Variants in ARMH3 observed in about 807,000 individuals in gnomAD.
ARMH3 encodes the protein armadillo like helical domain containing 3.
Under a neutral mutation model 99.1 loss-of-function variants are expected in ARMH3, and 60 were observed. The observed-to-expected ratio is 0.61, with a 90% CI of 0.49 to 0.75. ARMH3 has a LOEUF of 0.75. Ranked by LOEUF, ARMH3 falls within the 30% of genes least tolerant of loss-of-function variation. The pLI, the probability that ARMH3 is intolerant of heterozygous loss-of-function variation, is 0.00. For missense variants in ARMH3, 679 were observed against 843.1 expected (o/e 0.81, Z 2.41); for synonymous variants, 285 against 292.8 (o/e 0.97, Z 0.27).
At chr10:101,854,011 G>A (rs1303597874) in intron 24 of ARMH3, among the ~76,000 whole-genome samples, 1 of 152,166 alleles carries the variant, frequency 6.6e-6, no homozygotes. Flanking sequence ...TACTCGGGAG[G>A]CTGAGGCAGG....
chr10:102,030,824 C>G (rs1224473878), intron 4 of ARMH3, among the ~76,000 whole-genome samples: 1 of 152,062 alleles, frequency 6.6e-6, no homozygotes, highest in Non-Finnish European at 1.5e-5. Context: ...CTCTGTCACC[C>G]AGGCTGGAGT....
Position 101,847,314 on chromosome 10 carries a change from T to TCCCCAA in ARMH3, c.*213_*214insTTGGGG. 1.9e-6 allele frequency: 1 copy of TCCCCAA among 521,042 alleles called. No homozygotes were observed. Among genetic ancestry groups the TCCCCAA allele is most frequent in the Non-Finnish European group, 3.5e-6 (1 of 288,178 alleles). The allele number at this position is 521,042 out of a possible 1,614,324, so 32.3% of individuals were successfully genotyped here. A position where few individuals can be genotyped will look rare whatever the true frequency, so the allele number is the denominator to read the frequency against. On this transcript the variant is annotated 3_prime_UTR_variant, in exon 26 of 26. Transcript: ENST00000370033. ...CACATTCCTGGAGGCCTCTCCCCACTGTGCCCACCCATTCCTCCCCAAATA... is the reference window on the plus strand; with the variant it reads ...CACATTCCTGGAGGCCTCTCCCCACTCCCCAAGTGCCCACCCATTCCTCCCCAAATA...
At chr10:101,902,411 C>T (rs1346465317) in intron 23 of ARMH3, among the ~76,000 whole-genome samples, 1 of 152,130 alleles carries the variant, frequency 6.6e-6, no homozygotes, top group Non-Finnish European at 1.5e-5. Context: ...CGATACATCT[C>T]TAACTTATTA....
At position 101,995,281 on chromosome 10, in the gene ARMH3, G is replaced by C. The variant is rs1325259516; in HGVS notation, c.1209+16C>G. ...TGTAAAAGACTGCCTAATAGCAGAA[G>C]GCTCGTGAGACCTACCTCTGCAATA... On this transcript the variant is annotated intron_variant, in intron 16 of 25. Coordinates refer to ENST00000370033, the MANE Select transcript of ARMH3 (RefSeq NM_024541.3). 1.2e-6 allele frequency: 2 copies of C among 1,610,052 alleles called. No homozygotes were observed. The highest frequency in any genetic ancestry group is 1.7e-6 in the Non-Finnish European group (2 of 1,176,850).
chr10:102,008,974 GGTGAGATA>G (rs2066570854), intron 13 of ARMH3, among the ~76,000 whole-genome samples: 1 of 152,114 alleles, frequency 6.6e-6, no homozygotes, highest in African/African-American at 2.4e-5. Context: ...TCTGGAAATT[GGTGAGATA>G]ATAAGGTGAG....
chr10:101,949,806 A>G lies in ARMH3; in HGVS notation c.1705+6791T>C, dbSNP rs542601084. Among the ~76,000 whole-genome samples the G allele has an allele frequency of 7.9e-5, 12 of 152,296 alleles. No individual in the cohort carries two copies. In the East Asian group the frequency reaches 1.5e-3, roughly 20 times the overall value. ...CAGACCAATATACCTCATGAATACT[A>G]GCAAATCGAATACAACAATATGTAA... is the stretch of plus-strand genomic sequence containing the variant. On this transcript the variant is annotated intron_variant, in intron 22 of 25. Coordinates refer to ENST00000370033, the MANE Select transcript of ARMH3 (RefSeq NM_024541.3).
At chr10:101,880,055 C>G (rs1312539352) in intron 24 of ARMH3, among the ~76,000 whole-genome samples, 1 of 152,218 alleles carries the variant, frequency 6.6e-6, no homozygotes, top group Non-Finnish European at 1.5e-5. Context: ...ACAAAGAAGG[C>G]AGGGTTGGAT....
At chr10:101,950,876 T>C (rs972957149) in intron 22 of ARMH3, among the ~76,000 whole-genome samples, 2 of 152,180 alleles carry the variant, frequency 1.3e-5, no homozygotes, top group Non-Finnish European at 2.9e-5. Flanking sequence ...TTCATTGTGG[T>C]GATGGTGGTA....
chr10:101,985,710 C>A (rs1351441001), intron 19 of ARMH3, among the ~76,000 whole-genome samples: 1 of 151,666 alleles, frequency 6.6e-6, no homozygotes, highest in Non-Finnish European at 1.5e-5. Flanking sequence ...CAAGACCCTG[C>A]CTCTAAAAAA....
chr10:101,989,720 CAAAACA>C (rs535385476), intron 19 of ARMH3, among the ~76,000 whole-genome samples: 11 of 151,936 alleles, frequency 7.2e-5, no homozygotes, highest in African/African-American at 1.9e-4. Flanking sequence ...GACTCCGTCT[CAAAACA>C]AAAACAAAAA....
intron 5 of ARMH3, among the ~76,000 whole-genome samples, chr10:102,029,197 G>A (rs1400638003): frequency 6.6e-6 from 1 of 152,108 alleles, no homozygotes; most frequent in Non-Finnish European, 1.5e-5. Flanking sequence ...CTAAAAGGGT[G>A]GATTTATGCT....
chr10:102,018,169 T>C (rs1376178607), intron 8 of ARMH3, among the ~76,000 whole-genome samples: 1 of 152,178 alleles, frequency 6.6e-6, no homozygotes, highest in Admixed American at 6.5e-5. Flanking sequence ...AAAAGCAATC[T>C]CCAATGAAGC....
chr10:101,979,192 T>C (rs1251875082), intron 19 of ARMH3, among the ~76,000 whole-genome samples: 2 of 152,034 alleles, frequency 1.3e-5, no homozygotes, highest in Non-Finnish European at 2.9e-5. Flanking sequence ...ATACAAACAG[T>C]AATGGTGGCA....
intron 2 of ARMH3, among the ~76,000 whole-genome samples, chr10:102,037,961 A>G (rs1193515986): frequency 2.6e-5 from 4 of 151,930 alleles, no homozygotes; most frequent in African/African-American, 7.3e-5. Flanking sequence ...TGACCCTCAC[A>G]CTTCTGTAAT....
chr10:101,897,829 G>A (rs1238655079), intron 23 of ARMH3, among the ~76,000 whole-genome samples: 1 of 152,198 alleles, frequency 6.6e-6, no homozygotes, highest in Non-Finnish European at 1.5e-5. Context: ...GTCAACTTCT[G>A]ACTGCAGAAG....
chr10:101,863,009 G>A (rs2066909735), intron 24 of ARMH3, among the ~76,000 whole-genome samples: 1 of 152,104 alleles, frequency 6.6e-6, no homozygotes, highest in Non-Finnish European at 1.5e-5. Context: ...TTCGAGACCA[G>A]CCTGACCAAG....
At chr10:101,891,359 C>T (rs933642862) in intron 23 of ARMH3, among the ~76,000 whole-genome samples, 1 of 152,098 alleles carries the variant, frequency 6.6e-6, no homozygotes, top group African/African-American at 2.4e-5. Context: ...CCATGACCAG[C>T]TAATTTTGTA....
chr10:102,037,570 T>C (rs2067307665), intron 2 of ARMH3, among the ~76,000 whole-genome samples: 1 of 151,940 alleles, frequency 6.6e-6, no homozygotes, highest in Admixed American at 6.6e-5. Context: ...TAATTATTTA[T>C]TTTATTTATT....
At chr10:102,029,803 C>G in intron 4 of ARMH3, 58 bp from the exon 5 acceptor site, 1 of 1,496,986 alleles carries the variant, frequency 6.7e-7, no homozygotes, top group Non-Finnish European at 9.2e-7. Context: ...TCTGTAGACC[C>G]ACATTGCAGC....
Sources: allele counts gnomAD v4.1 joint callset (sites outside exome capture counted in the v4.1 genomes callset), GRCh38; gene constraint gnomAD v4.1.1; transcripts MANE v1.5; gene names NCBI Gene and HGNC (gene_info 2026-07-23, HGNC 2026-07-21).